Variants in CORO2B observed in about 807,000 individuals in gnomAD.
CORO2B encodes coronin 2B.
CORO2B carries 26 observed loss-of-function variants against 58.8 expected under a neutral mutation model. That is an observed-to-expected ratio of 0.44 (90% CI 0.32 to 0.61). The LOEUF is 0.61. Ranked by LOEUF, CORO2B falls within the 20% of genes least tolerant of loss-of-function variation. The probability of loss-of-function intolerance (pLI) is 0.04; values close to 1 mark genes in which losing one functional copy is unlikely to be tolerated. For synonymous variants in CORO2B, 242 were observed against 253.8 expected (o/e 0.95, Z 0.44); for missense variants, 460 against 645.1 (o/e 0.71, Z 3.11).
At chr15:68,639,829 G>A (rs967068788) in intron 1 of CORO2B, among the ~76,000 whole-genome samples, 1 of 152,184 alleles carries the variant, frequency 6.6e-6, no homozygotes, top group African/African-American at 2.4e-5. Context: ...TCCCAGTCTT[G>A]CGCCTTGTGC....
At chr15:68,553,483 G>T in the CORO2B span, among the ~76,000 whole-genome samples, 1 of 152,306 alleles carries the variant, frequency 6.6e-6, no homozygotes, top group African/African-American at 2.4e-5. Flanking sequence ...GCAAGGATGA[G>T]ATTCTCCCCC....
At chr15:68,667,578 G>A (rs978630904) in intron 2 of CORO2B, among the ~76,000 whole-genome samples, 2 of 152,222 alleles carry the variant, frequency 1.3e-5, no homozygotes, top group African/African-American at 4.8e-5. Flanking sequence ...ACATCTGCCT[G>A]ATGGCAAAGC....
the CORO2B span, among the ~76,000 whole-genome samples, chr15:68,561,673 A>G: frequency 1.3e-5 from 2 of 152,194 alleles, no homozygotes; most frequent in Non-Finnish European, 2.9e-5. Context: ...GGGTGGGCAG[A>G]GTGTACAGGA....
chr15:68,637,288 A>G (rs933268536), intron 1 of CORO2B, among the ~76,000 whole-genome samples: 4 of 152,210 alleles, frequency 2.6e-5, no homozygotes, highest in Non-Finnish European at 5.9e-5. Flanking sequence ...ATTACTGCCC[A>G]GGCTGGCGAG....
At chr15:68,634,833 A>T (rs1431664999) in intron 1 of CORO2B, among the ~76,000 whole-genome samples, 1 of 152,166 alleles carries the variant, frequency 6.6e-6, no homozygotes, top group African/African-American at 2.4e-5. Context: ...TCAACCATAG[A>T]TTCTCATTTG....
the CORO2B span, among the ~76,000 whole-genome samples, chr15:68,518,878 C>A: frequency 2.0e-5 from 3 of 152,128 alleles, no homozygotes; most frequent in Admixed American, 1.3e-4. Flanking sequence ...GACTCCAGAC[C>A]CCTGGTTCAG....
chr15:68,645,208 G>A lies in CORO2B; in HGVS notation c.64G>A (p.Gly22Arg). The A allele has an allele frequency of 2.5e-6, 4 of 1,614,124 alleles. No homozygotes were observed. The highest frequency in any genetic ancestry group is 3.4e-6 in the Non-Finnish European group (4 of 1,180,020). ...YRSSKFRNVY[G>R]KVANREHCFD... ...TAGCTCCAAGTTCCGGAATGTCTAC[G>A]GGAAGGTGGCCAACCGGGAGCACTG... The change falls in exon 2 of 12, where the codon GGG becomes AGG. Residue 22 changes from glycine to arginine, a missense_variant. This residue lies in a region of CORO2B where 352 missense variants were observed against 543.0 expected (regional missense o/e 0.65). Coordinates refer to ENST00000261861, the MANE Select transcript of CORO2B (RefSeq NM_006091.5). This position sits in a 1 kb window ranked among gnomAD's most constrained non-coding sequence, Gnocchi z 4.5.
chr15:68,540,335 A>G, the CORO2B span, among the ~76,000 whole-genome samples: 1 of 152,256 alleles, frequency 6.6e-6, no homozygotes, highest in Non-Finnish European at 1.5e-5. Context: ...ATCCCACAGT[A>G]GCAGATGCAA....
intron 1 of CORO2B, among the ~76,000 whole-genome samples, chr15:68,625,647 C>T (rs765495481): frequency 1.3e-5 from 2 of 151,972 alleles, no homozygotes; most frequent in Non-Finnish European, 2.9e-5. Flanking sequence ...CTTTGTCTCC[C>T]AGGCTAGAGT....
chr15:68,550,329 C>T, the CORO2B span, among the ~76,000 whole-genome samples: 66 of 152,114 alleles, frequency 4.3e-4, no homozygotes, highest in Non-Finnish European at 8.2e-4. Context: ...CTTGCCATGA[C>T]GTTTTGGCAA....
chr15:68,591,416 G>C (rs1899703006), intron 1 of CORO2B, among the ~76,000 whole-genome samples: 1 of 152,238 alleles, frequency 6.6e-6, no homozygotes, highest in African/African-American at 2.4e-5. Flanking sequence ...GCTGTATGTG[G>C]CTGGACAGGC....
At chr15:68,649,796 A>G (rs1901575113) in intron 2 of CORO2B, among the ~76,000 whole-genome samples, 1 of 152,204 alleles carries the variant, frequency 6.6e-6, no homozygotes, top group African/African-American at 2.4e-5. Context: ...AAATCTCTTT[A>G]ATATATGTCT....
chr15:68,550,039 TTGCTTCC>T, the CORO2B span, among the ~76,000 whole-genome samples: 8 of 152,138 alleles, frequency 5.3e-5, no homozygotes, highest in Admixed American at 2.0e-4. Flanking sequence ...GGCAAGTTCT[TTGCTTCC>T]TGCTTCCTGC....
intron 1 of CORO2B, among the ~76,000 whole-genome samples, chr15:68,580,276 C>T (rs765571967): frequency 3.3e-4 from 50 of 152,212 alleles, no homozygotes; most frequent in Non-Finnish European, 5.9e-4. Context: ...CTTGGCCGTC[C>T]ATTCAAGGGC....
chr15:68,637,242 A>G (rs183401783), intron 1 of CORO2B, among the ~76,000 whole-genome samples: 1 of 152,320 alleles, frequency 6.6e-6, no homozygotes, highest in East Asian at 1.9e-4. Flanking sequence ...TTCTCATTTT[A>G]CAAAGGAGGA....
In CORO2B at chr15:68,719,445, A is replaced by G; in HGVS notation, c.1204A>G (p.Lys402Glu). The G allele has an allele frequency of 6.2e-7, 1 of 1,614,166 alleles. No individual in the cohort carries two copies. Among genetic ancestry groups the G allele is most frequent in the African/African-American group, 1.3e-5 (1 of 75,044 alleles). Residue 402 changes from lysine to glutamate, a missense_variant, in exon 11 of 12, where the codon AAG (lysine) becomes GAG (glutamate). Physicochemically the swap from Lys to Glu is moderately conservative, Grantham distance 56 (BLOSUM62 1). Around this residue, in one of 2 missense-constraint regions of CORO2B, gnomAD observed 108 missense variants for 102.1 expected, o/e 1.06. Transcript: ENST00000261861. ...PVLMSLKEGY[K>E]KSSKMVFKAP... ...GCTGATGTCTTTGAAAGAAGGCTAT[A>G]AGAAGTCCTCAAAAATGGTATTTAA... is the stretch of plus-strand genomic sequence containing the variant.
intron 2 of CORO2B, among the ~76,000 whole-genome samples, chr15:68,682,811 G>C (rs1902833820): frequency 6.6e-6 from 1 of 152,220 alleles, no homozygotes; most frequent in Non-Finnish European, 1.5e-5. Context: ...CCCTGCTGCT[G>C]TAGCAGTGCT....
Position 68,695,268 on chromosome 15 carries a change from G to A in CORO2B, c.333+12G>A. 6.3e-7 allele frequency: 1 copy of A among 1,599,992 alleles called. No individual in the cohort carries two copies. The highest frequency in any genetic ancestry group is 1.1e-5 in the South Asian group (1 of 90,782). ...CGGAGGACACGTCGGTGAGCAGAGG[G>A]GTGCTCCCGGAGGAGGGTGGGCTCA... On this transcript the variant is annotated intron_variant, in intron 3 of 11. Coordinates refer to ENST00000261861, the MANE Select transcript of CORO2B (RefSeq NM_006091.5).
intron 2 of CORO2B, among the ~76,000 whole-genome samples, chr15:68,673,764 G>C (rs1022897781): frequency 1.3e-5 from 2 of 151,292 alleles, no homozygotes; most frequent in Admixed American, 6.6e-5. Flanking sequence ...CTGAACGGGG[G>C]AGACAGAGTT....
Sources: allele counts gnomAD v4.1 joint callset (sites outside exome capture counted in the v4.1 genomes callset), GRCh38; gene constraint gnomAD v4.1.1; regional missense constraint gnomAD v4.1.1; non-coding constraint Gnocchi (gnomAD v3.1); transcripts MANE v1.5; gene names NCBI Gene and HGNC (gene_info 2026-07-23, HGNC 2026-07-21).